MDGA2: variants seen among roughly 807,000 people sequenced by gnomAD.
MDGA2 encodes MAM domain containing glycosylphosphatidylinositol anchor 2.
Under a neutral mutation model 117.8 loss-of-function variants are expected in MDGA2, and 40 were observed. The ratio of observed to expected loss-of-function variants is 0.34; its 90% CI spans 0.26 to 0.44. MDGA2 has a LOEUF of 0.44. MDGA2 is among the 20% of genes least tolerant of loss of function. MDGA2 has a pLI of 1.00. For synonymous variants in MDGA2, 452 were observed against 439.0 expected (o/e 1.03, Z -0.37); for missense variants, 1,123 against 1,250.6 (o/e 0.90, Z 1.54).
At chr14:47,088,045 G>A (rs1890971984) in intron 6 of MDGA2, among the ~76,000 whole-genome samples, 1 of 151,830 alleles carries the variant, frequency 6.6e-6, no homozygotes, top group African/African-American at 2.4e-5. Context: ...GTTTAACTAA[G>A]CTGCCTATCA....
At chr14:47,277,514 T>A (rs1163838468) in intron 2 of MDGA2, among the ~76,000 whole-genome samples, 1 of 152,196 alleles carries the variant, frequency 6.6e-6, no homozygotes, top group Non-Finnish European at 1.5e-5. Context: ...ATATTCATTG[T>A]CTAATTCTTA....
intron 2 of MDGA2, among the ~76,000 whole-genome samples, chr14:47,227,108 T>C (rs561059315): frequency 6.6e-6 from 1 of 152,270 alleles, no homozygotes; most frequent in East Asian, 1.9e-4. Context: ...TGTGTATATG[T>C]TGTAGGAGAT....
intron 1 of MDGA2, among the ~76,000 whole-genome samples, chr14:47,429,269 A>C (rs994688387): frequency 7.0e-6 from 1 of 143,868 alleles, no homozygotes; most frequent in Non-Finnish European, 1.5e-5. Flanking sequence ...ATAATTAACA[A>C]ATATGAAGAT....
At chr14:47,016,558 T>C (rs989115276) in intron 8 of MDGA2, among the ~76,000 whole-genome samples, 1 of 152,016 alleles carries the variant, frequency 6.6e-6, no homozygotes, top group Non-Finnish European at 1.5e-5. Context: ...TATGATCATA[T>C]GAATTTCCGT....
chr14:46,845,261 T>C (rs1880787686), intron 16 of MDGA2, among the ~76,000 whole-genome samples: 1 of 152,170 alleles, frequency 6.6e-6, no homozygotes, highest in South Asian at 2.1e-4. Context: ...GGTACTCTGC[T>C]TCCCCTTCAC....
At chr14:46,881,695 T>C (rs994191105) in intron 11 of MDGA2, among the ~76,000 whole-genome samples, 4 of 152,116 alleles carry the variant, frequency 2.6e-5, no homozygotes, top group Non-Finnish European at 5.9e-5. Flanking sequence ...TGAATTTTGA[T>C]CTTTTTTTAC....
intron 1 of MDGA2, among the ~76,000 whole-genome samples, chr14:47,307,847 G>T (rs539703961): frequency 5.6e-4 from 86 of 152,242 alleles, no homozygotes; most frequent in Admixed American, 9.2e-4. Context: ...TAGAATAGAG[G>T]AGAGTTCTAT....
At chr14:47,629,958 TAC>T (rs1897223172) in intron 1 of MDGA2, among the ~76,000 whole-genome samples, 2 of 152,248 alleles carry the variant, frequency 1.3e-5, no homozygotes, top group South Asian at 4.1e-4. Context: ...ACCCAGGTGA[TAC>T]TGATACTGCT....
chr14:47,489,153 A>T (rs2138649584), intron 1 of MDGA2, among the ~76,000 whole-genome samples: 1 of 152,152 alleles, frequency 6.6e-6, no homozygotes, highest in Admixed American at 6.5e-5. Context: ...GACTGACAAG[A>T]TTTAATAAAC....
At chr14:47,380,341 G>A (rs1028511098) in intron 1 of MDGA2, among the ~76,000 whole-genome samples, 31 of 152,072 alleles carry the variant, frequency 2.0e-4, no homozygotes, top group Non-Finnish European at 5.9e-5. Context: ...ACATTCAAAA[G>A]CTAGCAGAAG....
intron 3 of MDGA2, among the ~76,000 whole-genome samples, chr14:47,200,090 C>T (rs192061928): frequency 5.3e-5 from 8 of 151,910 alleles, no homozygotes; most frequent in Admixed American, 4.6e-4. Flanking sequence ...AAACAGAATA[C>T]ATGCTTTATA....
chr14:47,295,438 T>C (rs1889031973), intron 2 of MDGA2, among the ~76,000 whole-genome samples: 2 of 152,200 alleles, frequency 1.3e-5, no homozygotes, highest in African/African-American at 4.8e-5. Context: ...ACTTTCTACA[T>C]ATGACCTCAT....
At chr14:47,103,945 G>A (rs1470610840) in intron 5 of MDGA2, among the ~76,000 whole-genome samples, 1 of 152,136 alleles carries the variant, frequency 6.6e-6, no homozygotes, top group Admixed American at 6.6e-5. Flanking sequence ...GAACAAAAGA[G>A]TCAAAGAATC....
intron 1 of MDGA2, chr14:47,626,545 G>A (rs1001737276): frequency 2.6e-5 from 4 of 152,722 alleles, no homozygotes; most frequent in African/African-American, 9.6e-5. Flanking sequence ...AGCTTGCAGG[G>A]AGGTGCCGAC....
chr14:46,865,954 T>G (rs1881739078), intron 14 of MDGA2, among the ~76,000 whole-genome samples: 1 of 151,410 alleles, frequency 6.6e-6, no homozygotes, highest in Non-Finnish European at 1.5e-5. Flanking sequence ...ATCATGAAAA[T>G]GGCCATACTG....
At chr14:47,357,786 A>C (rs1349250433) in intron 1 of MDGA2, among the ~76,000 whole-genome samples, 1 of 152,162 alleles carries the variant, frequency 6.6e-6, no homozygotes, top group Non-Finnish European at 1.5e-5. Flanking sequence ...TTACAACAAA[A>C]ATATCGGCCC....
At chr14:46,978,150 A>G (rs1043222505) in intron 8 of MDGA2, among the ~76,000 whole-genome samples, 15 of 152,002 alleles carry the variant, frequency 9.9e-5, no homozygotes, top group African/African-American at 2.9e-4. Context: ...AAATAAAACT[A>G]AAATGATTAT....
intron 2 of MDGA2, among the ~76,000 whole-genome samples, chr14:47,223,411 G>C (rs868145088): frequency 6.6e-6 from 1 of 152,088 alleles, no homozygotes; most frequent in Non-Finnish European, 1.5e-5. Flanking sequence ...TTTAATGTTG[G>C]TTTGGGCTGT....
chr14:47,153,909 G>A (rs1011865609), intron 3 of MDGA2, among the ~76,000 whole-genome samples: 1 of 152,140 alleles, frequency 6.6e-6, no homozygotes, highest in African/African-American at 2.4e-5. Flanking sequence ...GCAAGTAATA[G>A]ATCACTGGGG....
Sources: allele counts gnomAD v4.1 joint callset (sites outside exome capture counted in the v4.1 genomes callset), GRCh38; gene constraint gnomAD v4.1.1; transcripts MANE v1.5; gene names NCBI Gene and HGNC (gene_info 2026-07-23, HGNC 2026-07-21).